The following GALNT17 variants were observed in gnomAD, a reference collection of about 807,000 sequenced individuals.
GALNT17 encodes polypeptide N-acetylgalactosaminyltransferase 17, also known as UDP-GalNAc:polypeptide N-acetylgalactosaminyltransferase-like 3.
Under a neutral mutation model 63.7 loss-of-function variants are expected in GALNT17, and 29 were observed. The observed-to-expected ratio is 0.46, with a 90% CI of 0.34 to 0.62. The LOEUF is 0.62. GALNT17 is among the 20% of genes least tolerant of loss of function. GALNT17 has a pLI of 0.01. For missense variants in GALNT17, 603 were observed against 799.6 expected, an observed-to-expected ratio of 0.75 and a Z score of 2.97; for synonymous variants, 305 against 318.3, an observed-to-expected ratio of 0.96 and a Z score of 0.45.
chr7:71,276,342 C>G (rs1489232610), intron 1 of GALNT17, among the ~76,000 whole-genome samples: 4 of 152,278 alleles, frequency 2.6e-5, no homozygotes, highest in East Asian at 3.9e-4. Context: ...AGAAATCATT[C>G]TATTTAAAAG....
intron 1 of GALNT17, among the ~76,000 whole-genome samples, chr7:71,291,440 G>C (rs1034154784): frequency 1.3e-5 from 2 of 152,144 alleles, no homozygotes; most frequent in Non-Finnish European, 2.9e-5. Context: ...CCAATTCCAT[G>C]ATAGCTAAAT....
intron 5 of GALNT17, among the ~76,000 whole-genome samples, chr7:71,531,193 ACAAT>A (rs1788714926): frequency 6.6e-6 from 1 of 152,188 alleles, no homozygotes; most frequent in Non-Finnish European, 1.5e-5. Context: ...AACTAACACC[ACAAT>A]CAATGCTATA....
At chr7:71,617,112 T>C (rs980552957) in intron 6 of GALNT17, among the ~76,000 whole-genome samples, 13 of 148,600 alleles carry the variant, frequency 8.7e-5, no homozygotes, top group Non-Finnish European at 1.9e-4. Context: ...CTTAATTATA[T>C]AGTAAATATT....
intron 5 of GALNT17, among the ~76,000 whole-genome samples, chr7:71,526,677 G>A (rs1336837463): frequency 3.3e-5 from 5 of 151,474 alleles, no homozygotes; most frequent in African/African-American, 4.9e-5. Flanking sequence ...GTGCCCCCAC[G>A]CCTGACTGAT....
chr7:71,490,609 A>AT (rs1787990718), intron 5 of GALNT17, among the ~76,000 whole-genome samples: 1 of 151,744 alleles, frequency 6.6e-6, no homozygotes, highest in Non-Finnish European at 1.5e-5. Flanking sequence ...TACAAAATAT[A>AT]AACAAATTAG....
At chr7:71,521,454 C>T (rs1320615968) in intron 5 of GALNT17, among the ~76,000 whole-genome samples, 1 of 152,210 alleles carries the variant, frequency 6.6e-6, no homozygotes, top group Non-Finnish European at 1.5e-5. Flanking sequence ...GCAGAACCTG[C>T]CTGGAGACAC....
chr7:71,282,899 G>T (rs1294065131), intron 1 of GALNT17, among the ~76,000 whole-genome samples: 1 of 152,086 alleles, frequency 6.6e-6, no homozygotes, highest in Non-Finnish European at 1.5e-5. Flanking sequence ...GCTAGGCAAT[G>T]TGGGGGTGAA....
At chr7:71,290,042 C>CA (rs769453025) in intron 1 of GALNT17, among the ~76,000 whole-genome samples, 11 of 151,694 alleles carry the variant, frequency 7.3e-5, no homozygotes, top group Admixed American at 3.9e-4. Flanking sequence ...AAGACTGTCT[C>CA]AAAAAAAACC....
intron 6 of GALNT17, among the ~76,000 whole-genome samples, chr7:71,608,611 A>G (rs1790080414): frequency 1.3e-5 from 2 of 152,086 alleles, no homozygotes; most frequent in South Asian, 4.1e-4. Flanking sequence ...CCAGGTTCAT[A>G]GCAAACACCA....
At chr7:71,201,983 CTCT>C (rs1207052648) in intron 1 of GALNT17, among the ~76,000 whole-genome samples, 27 of 152,212 alleles carry the variant, frequency 1.8e-4, no homozygotes, top group Middle Eastern at 3.4e-3. Context: ...TCTGGGATGC[CTCT>C]TCTTTCTCAG....
chr7:71,221,492 G>A (rs1237170907), intron 1 of GALNT17, among the ~76,000 whole-genome samples: 3 of 149,084 alleles, frequency 2.0e-5, no homozygotes, highest in Non-Finnish European at 3.0e-5. Flanking sequence ...GTAGCCAATT[G>A]GAATTCCACT....
In GALNT17 at chr7:71,703,341, G is replaced by A. The variant is rs995510657; in HGVS notation, c.1501-7420G>A. On this transcript the variant is annotated intron_variant, in intron 9 of 10. Coordinates refer to ENST00000333538, the MANE Select transcript of GALNT17 (RefSeq NM_022479.3). ...GCCTCAGGGAGCTTTTGCCCATGAC[G>A]GAAGGTGAAGCAGGAGCAGGCACAT... Among the ~76,000 whole-genome samples the A allele has an allele frequency of 6.6e-5, 10 of 152,270 alleles. 1 individual carries two copies. The highest frequency in any genetic ancestry group is 3.3e-4 in the Admixed American group (5 of 15,292).
chr7:71,591,883 G>A (rs771195851), intron 6 of GALNT17, among the ~76,000 whole-genome samples: 6 of 152,154 alleles, frequency 3.9e-5, no homozygotes, highest in Non-Finnish European at 7.3e-5. Context: ...GGCTGGTCTC[G>A]AAGTCCTGAC....
chr7:71,447,226 CA>C (rs1171556568), intron 5 of GALNT17, among the ~76,000 whole-genome samples: 1 of 152,192 alleles, frequency 6.6e-6, no homozygotes, highest in Non-Finnish European at 1.5e-5. Flanking sequence ...CCAGGCTATC[CA>C]TATTTTTGTC....
chr7:71,420,275 G>A (rs148668196), intron 4 of GALNT17, among the ~76,000 whole-genome samples: 1,693 of 152,274 alleles, frequency 0.011, 19 homozygotes, highest in Non-Finnish European at 0.016. Context: ...GCAGGAAGCT[G>A]GGATTCTGCC....
At chr7:71,620,101 A>G (rs1376471748) in intron 6 of GALNT17, among the ~76,000 whole-genome samples, 1 of 152,196 alleles carries the variant, frequency 6.6e-6, no homozygotes, top group Non-Finnish European at 1.5e-5. Flanking sequence ...TTAGTGATTT[A>G]TATAAGTTGA....
At chr7:71,586,157 T>A (rs1465101625) in intron 6 of GALNT17, among the ~76,000 whole-genome samples, 1 of 152,176 alleles carries the variant, frequency 6.6e-6, no homozygotes, top group African/African-American at 2.4e-5. Flanking sequence ...TCCACCCTCC[T>A]CAGCCTCCCA....
Position 71,242,560 on chromosome 7 carries a change from G to A in GALNT17, c.239-92990G>A, listed in dbSNP as rs185755044. On this transcript the variant is annotated intron_variant, in intron 1 of 10. Coordinates refer to ENST00000333538, the MANE Select transcript of GALNT17 (RefSeq NM_022479.3). ...TGGGATTACAGGTGTGAGCCACCGCGCCTGGTCAGGGATCACATTTCAACA... is the reference window on the plus strand; with the variant it reads ...TGGGATTACAGGTGTGAGCCACCGCACCTGGTCAGGGATCACATTTCAACA... Among the ~76,000 whole-genome samples the A allele has an allele frequency of 3.0e-4, 46 of 152,154 alleles. No homozygotes were observed. The East Asian group carries it at 7.6e-3, about 25-fold the overall frequency.
At chr7:71,578,008 T>C (rs753102559) in intron 6 of GALNT17, among the ~76,000 whole-genome samples, 5 of 54,822 alleles carry the variant, frequency 9.1e-5, no homozygotes, top group East Asian at 3.8e-4. Flanking sequence ...TGTTTACATT[T>C]ATTTATTTAT....
Sources: gnomAD v4.1 joint callset for allele counts (sites outside exome capture counted in the v4.1 genomes callset) on GRCh38, gnomAD v4.1.1 for gene constraint, MANE v1.5 for transcripts, NCBI Gene and HGNC (gene_info 2026-07-23, HGNC 2026-07-21) for gene names.